ROBO3: variants seen among roughly 807,000 people sequenced by gnomAD.
The protein encoded by ROBO3 is roundabout homolog 3.
A neutral mutation model predicts 160.5 loss-of-function variants in ROBO3; 97 were observed. The ratio of observed to expected loss-of-function variants is 0.60; its 90% confidence interval spans 0.51 to 0.72. The LOEUF (loss-of-function observed/expected upper bound fraction) is 0.72. Among genes scored for constraint, ROBO3 ranks in the 30% least tolerant of loss-of-function variants. The pLI is 0.00. For missense variants in ROBO3, 1,858 were observed against 1,846.5 expected, an observed-to-expected ratio of 1.01 and a Z score of -0.11; for synonymous variants, 780 against 746.2, an observed-to-expected ratio of 1.05 and a Z score of -0.74.
chr11:124,878,664 T>C lies in ROBO3; in HGVS notation c.3401T>C (p.Val1134Ala), dbSNP rs1164630715. 1 of 1,613,320 alleles carries C rather than the reference T, an allele frequency of 6.2e-7. No homozygotes were observed. Among genetic ancestry groups the C allele is most frequent in the Non-Finnish European group, 8.5e-7 (1 of 1,179,588 alleles). The stretch of plus-strand genomic sequence containing the variant: ...CCCAGCTCCAGTGGAGGGTGCCTGG[T>C]CACCCCATCCCGAAGGGAAACCCCC... ...TEPSSSGGCL[V>A]TPSRRETPSP... Residue 1134 changes from valine to alanine, a missense_variant, in exon 23 of 28, where the codon GTC (valine) becomes GCC (alanine). Val to Ala is a moderately conservative substitution (Grantham distance 64). Coordinates refer to ENST00000397801, the MANE Select transcript of ROBO3 (RefSeq NM_022370.4). This position sits in a 1 kb window ranked among gnomAD's most constrained non-coding sequence, Gnocchi z 4.3.
chr11:124,872,643 GTCT>G lies in ROBO3; in HGVS notation c.1330+92_1330+94del. The G allele has an allele frequency of 7.7e-7, 1 of 1,304,654 alleles. No individual in the cohort carries two copies. Among genetic ancestry groups the G allele is most frequent in the Non-Finnish European group, 1.1e-6 (1 of 950,838 alleles). 80.8% of individuals were successfully genotyped at this position (1,304,654 alleles called of 1,614,324 possible). A position where few individuals can be genotyped will look rare whatever the true frequency, so the allele number is the denominator to read the frequency against. On this transcript the variant is annotated intron_variant, in intron 8 of 27. Coordinates refer to ENST00000397801, the MANE Select transcript of ROBO3 (RefSeq NM_022370.4). This position sits in a 1 kb window ranked among gnomAD's most constrained non-coding sequence, Gnocchi z 4.3. ...GTTTCTCTTGGAGTCTATATACTAT[GTCT>G]GCAAGAGGAGAGATGTGTTCCTGAG... is the stretch of plus-strand genomic sequence containing the variant.
Position 124,870,503 on chromosome 11 carries a change from G to T in ROBO3, c.906-98G>T, listed in dbSNP as rs527623793. On this transcript the variant is annotated intron_variant, in intron 5 of 27. Transcript: ENST00000397801. ...CCAGCTTCTGTCCCTGCTGGGTCCT[G>T]CCTGTCTTTAAGTACCTTGACCCTG... The T allele has an allele frequency of 2.7e-5, 42 of 1,571,268 alleles. No homozygotes were observed. In the Admixed American group the frequency reaches 6.1e-4, roughly 23 times the overall value.
intron 1 of ROBO3, chr11:124,868,394 T>G (rs1254599151): frequency 2.1e-6 from 1 of 480,660 alleles, no homozygotes; most frequent in Non-Finnish European, 3.8e-6. Context: ...GGTCTTTCAC[T>G]GAGCAAGGAC....
At position 124,865,541 on chromosome 11, in the gene ROBO3, C is replaced by G. The variant is rs922071319; in HGVS notation, c.-37C>G. 23 of 1,598,694 alleles carry G rather than the reference C, an allele frequency of 1.4e-5. No homozygotes were observed. The highest frequency in any genetic ancestry group is 2.0e-5 in the Non-Finnish European group (23 of 1,173,388). On this transcript the variant is annotated 5_prime_UTR_variant, in exon 1 of 28. Transcript: ENST00000397801. This position sits in a 1 kb window ranked among gnomAD's most constrained non-coding sequence, Gnocchi z 5.5. ...CGGGTCTCAGACCCAGGGGCTGGGC[C>G]CCCAGCCCCCAGTCCCGATCCCAGC...
chr11:124,875,608 G>A lies in ROBO3; in HGVS notation c.2344G>A (p.Asp782Asn), dbSNP rs752097110. ...PQGVAVALGG[D>N]GNSSITVSWE... ...GGGAGTGGCGGTGGCCTTGGGGGGT[G>A]ATGGCAACAGCAGTATCACTGTGTC... Residue 782 changes from aspartate (D) to asparagine (N), a missense_variant, in exon 15 of 28, where the codon GAT (aspartate) becomes AAT (asparagine). Physicochemically the swap from Asp to Asn is conservative, Grantham distance 23. Transcript: ENST00000397801. The A allele has an allele frequency of 6.2e-7, 1 of 1,611,518 alleles. No individual in the cohort carries two copies. The highest frequency in any genetic ancestry group is 1.7e-5 in the Admixed American group (1 of 59,308).
At chr11:124,874,295 T>TC in intron 12 of ROBO3, 59 bp downstream of exon 12, 5 of 1,501,762 alleles carry the variant, frequency 3.3e-6, no homozygotes, top group Non-Finnish European at 3.6e-6. Flanking sequence ...AGCAACCCTC[T>TC]CCCCCAAAAC....
At position 124,878,962 on chromosome 11, in the gene ROBO3, C is replaced by T; in HGVS notation, c.3533+166C>T. 4 of 766,954 alleles carry T rather than the reference C, an allele frequency of 5.2e-6. No homozygotes were observed. The South Asian group carries it at 7.2e-5, about 14-fold the overall frequency. 47.5% of individuals were successfully genotyped at this position (766,954 alleles called of 1,614,324 possible). A position where few individuals can be genotyped will look rare whatever the true frequency, so the allele number is the denominator to read the frequency against. On this transcript the variant is annotated intron_variant, in intron 23 of 27. Coordinates refer to ENST00000397801, the MANE Select transcript of ROBO3 (RefSeq NM_022370.4). The surrounding 1 kb of genome is among the most constrained non-coding windows in gnomAD (Gnocchi z 4.3). The stretch of plus-strand genomic sequence containing the variant: ...ATTTGGGCAGGAATATGGAGGCTGA[C>T]AAGATCTCTCATGCCCATTAGACTG...
rs1565310162 is a variant in ROBO3 at position 124,870,719 on chromosome 11, A to AGAG, written c.1025_1026insAGG (p.Ser342delinsArgGly). 1 of 1,611,390 alleles carries AGAG rather than the reference A, an allele frequency of 6.2e-7. No individual in the cohort carries two copies. The highest frequency in any genetic ancestry group is 8.5e-7 in the Non-Finnish European group (1 of 1,178,944). ...CCGCGCTGAAGCATCTGGCTCCCTC[A>AGAG]GTGTTCACGGTGAGGGCTGTACTTG... On this transcript the variant is annotated protein_altering_variant, in exon 6 of 28. Transcript: ENST00000397801.
chr11:124,877,656 A>G lies in ROBO3; in HGVS notation c.2984A>G (p.Asn995Ser). ...CCTGACCCGGACGACAGATATTACA[A>G]CGGTGAGGAGTTCTCATTCCCTCAC... ...SNPDPDDRYY[N>S]EAGISLYLAQ... Residue 995 changes from asparagine to serine, a missense_variant and splice_region_variant, in exon 20 of 28, where the codon AAC (asparagine) becomes AGC (serine). By Grantham distance (46) the Asn-to-Ser change is conservative. Coordinates refer to ENST00000397801, the MANE Select transcript of ROBO3 (RefSeq NM_022370.4). 2 of 1,610,938 alleles carry G rather than the reference A, an allele frequency of 1.2e-6. No individual in the cohort carries two copies. The highest frequency in any genetic ancestry group is 1.7e-6 in the Non-Finnish European group (2 of 1,178,720).
chr11:124,872,823 A>G lies in ROBO3; in HGVS notation c.1331-61A>G, dbSNP rs1946295150. 1 of 1,387,412 alleles carries G rather than the reference A, an allele frequency of 7.2e-7. No individual in the cohort carries two copies. Among genetic ancestry groups the G allele is most frequent in the Non-Finnish European group, 9.7e-7 (1 of 1,031,690 alleles). The allele number at this position is 1,387,412 out of a possible 1,614,324, so 85.9% of individuals were successfully genotyped here. A position where few individuals can be genotyped will look rare whatever the true frequency, so the allele number is the denominator to read the frequency against. On this transcript the variant is annotated intron_variant, in intron 8 of 27. Transcript: ENST00000397801. This position sits in a 1 kb window ranked among gnomAD's most constrained non-coding sequence, Gnocchi z 4.3. The stretch of plus-strand genomic sequence containing the variant: ...GGTGAAGGAGCAGAGAATGAGGACA[A>G]GGGGCTGCCCGCGGGGCCCTAAGCT...
rs1462137587 is a variant in ROBO3, at chr11:124,865,548, C to T, written c.-30C>T. ...CAGACCCAGGGGCTGGGCCCCCAGC[C>T]CCCAGTCCCGATCCCAGCTGGGTCG... On this transcript the variant is annotated 5_prime_UTR_variant, in exon 1 of 28. Transcript: ENST00000397801. The surrounding 1 kb of genome is among the most constrained non-coding windows in gnomAD (Gnocchi z 5.5). 1.7e-5 allele frequency: 27 copies of T among 1,606,320 alleles called. No homozygotes were observed. The highest frequency in any genetic ancestry group is 6.7e-5 in the East Asian group (3 of 44,782).
At chr11:124,874,288 A>C in intron 12 of ROBO3, 52 bp downstream of exon 12, 1 of 1,528,350 alleles carries the variant, frequency 6.5e-7, no homozygotes, top group Non-Finnish European at 8.9e-7. Flanking sequence ...ATCATAAAGC[A>C]ACCCTCTCCC....
At chr11:124,870,563 G>T (rs549959672) in intron 5 of ROBO3, 38 bp from the exon 6 acceptor site, 3 of 1,613,124 alleles carry the variant, frequency 1.9e-6, no homozygotes, top group South Asian at 2.2e-5. Flanking sequence ...AGGGTCTGTA[G>T]CTGTGGCCAA....
chr11:124,878,671 A>C lies in ROBO3; in HGVS notation c.3408A>C (p.Pro1136=), dbSNP rs1946470823. Residue 1136 remains proline, a synonymous_variant, in exon 23 of 28, where the codon CCA becomes CCC. Coordinates refer to ENST00000397801, the MANE Select transcript of ROBO3 (RefSeq NM_022370.4). The surrounding 1 kb of genome is among the most constrained non-coding windows in gnomAD (Gnocchi z 4.3). ...PSSSGGCLVT[P]SRRETPSPTP... is the part of the protein sequence containing the mutation. ...CCAGTGGAGGGTGCCTGGTCACCCCATCCCGAAGGGAAACCCCCTCTCCCA... is the reference window on the plus strand; with the variant it reads ...CCAGTGGAGGGTGCCTGGTCACCCCCTCCCGAAGGGAAACCCCCTCTCCCA... The C allele has an allele frequency of 6.2e-7, 1 of 1,613,588 alleles. No homozygotes were observed. Among genetic ancestry groups the C allele is most frequent in the Non-Finnish European group, 8.5e-7 (1 of 1,179,746 alleles).
intron 15 of ROBO3, 120 bp from the exon 16 acceptor site, chr11:124,875,834 G>A (rs1946352452): frequency 6.9e-7 from 1 of 1,443,740 alleles, no homozygotes; most frequent in Non-Finnish European, 9.6e-7. Context: ...AGGTTTCCAA[G>A]TGTTGTTTCC....
Position 124,875,993 on chromosome 11 carries a change from C to G in ROBO3, c.2461C>G (p.Arg821Gly), listed in dbSNP as rs756147382. ...LGNESRFHLN[R>G]SAAGWARSAM... is the part of the protein sequence containing the mutation. ...CAATGAGAGCCGCTTTCACCTCAAT[C>G]GATCTGCAGCAGGCTGGGCACGCTC... is the stretch of plus-strand genomic sequence containing the variant. The change falls in exon 16 of 28, where the codon CGA becomes GGA. Residue 821 changes from arginine to glycine, a missense_variant. Coordinates refer to ENST00000397801, the MANE Select transcript of ROBO3 (RefSeq NM_022370.4). 9 of 1,600,398 alleles carry G rather than the reference C, an allele frequency of 5.6e-6. No individual in the cohort carries two copies. In the East Asian group the frequency reaches 6.8e-5, roughly 12 times the overall value.
In ROBO3 at chr11:124,874,828, C is replaced by T. The variant is rs1176199249; in HGVS notation, c.1992C>T (p.Gly664=). 1 of 1,604,876 alleles carries T rather than the reference C, an allele frequency of 6.2e-7. No individual in the cohort carries two copies. ...PSRPVEDPWR[G]QQGLAEVAVR... ...GGCCAGTGGAGGACCCATGGAGAGG[C>T]CAGCAGGGACTGGCGGAAGTGGCTG... Residue 664 remains glycine (G), a synonymous_variant, in exon 13 of 28, where the codon GGC becomes GGT. Transcript: ENST00000397801.
In ROBO3 at chr11:124,865,757, G is replaced by T. The variant is rs1349099198; in HGVS notation, c.160+20G>T. 6.3e-7 allele frequency: 1 copy of T among 1,591,074 alleles called. No individual in the cohort carries two copies. The highest frequency in any genetic ancestry group is 8.6e-7 in the Non-Finnish European group (1 of 1,169,196). On this transcript the variant is annotated intron_variant, in intron 1 of 27. Transcript: ENST00000397801. The surrounding 1 kb of genome is among the most constrained non-coding windows in gnomAD (Gnocchi z 5.5). ...TCAACGGTGAGACCCTGCCTCTTGG[G>T]GATATGGGATCCTGGGATGGGGATG...
Position 124,875,603 on chromosome 11 carries a change from G to A in ROBO3, c.2339G>A (p.Gly780Glu), listed in dbSNP as rs536935563. ...GPPQGVAVAL[G>E]GDGNSSITVS... ...CCACAGGGAGTGGCGGTGGCCTTGG[G>A]GGGTGATGGCAACAGCAGTATCACT... Residue 780 changes from glycine to glutamate, a missense_variant, in exon 15 of 28, where the codon GGG becomes GAG. Coordinates refer to ENST00000397801, the MANE Select transcript of ROBO3 (RefSeq NM_022370.4). The A allele has an allele frequency of 1.8e-5, 29 of 1,611,682 alleles. No individual in the cohort carries two copies. In the African/African-American group the frequency reaches 3.2e-4, roughly 18 times the overall value.
Sources: allele counts gnomAD v4.1 joint callset, GRCh38; gene constraint gnomAD v4.1.1; non-coding constraint Gnocchi (gnomAD v3.1); transcripts MANE v1.5; gene names NCBI Gene and HGNC (gene_info 2026-07-23, HGNC 2026-07-21).